Variants in LY86 observed in about 807,000 individuals in gnomAD.
LY86 encodes the protein lymphocyte antigen 86.
Under a neutral mutation model 17.3 loss-of-function variants are expected in LY86, and 20 were observed. The observed-to-expected ratio is 1.15, with a 90% CI of 0.81 to 1.68. The LOEUF is 1.68. Ranked by LOEUF, LY86 falls within the 40% of genes most tolerant of loss-of-function variation. The pLI, the probability that LY86 is intolerant of heterozygous loss-of-function variation, is 0.00. For missense variants in LY86, 200 were observed against 191.9 expected (o/e 1.04, Z -0.25); for synonymous variants, 74 against 70.6 (o/e 1.05, Z -0.24).
At chr6:6,622,254 T>C (rs1761698128) in intron 1 of LY86, among the ~76,000 whole-genome samples, 1 of 152,224 alleles carries the variant, frequency 6.6e-6, no homozygotes, top group Non-Finnish European at 1.5e-5. Flanking sequence ...CCTTAGTTGA[T>C]TCTTTCTATC....
At position 6,649,066 on chromosome 6, in the gene LY86, ACT is replaced by A. The variant is rs1407644964; in HGVS notation, c.353-557_353-556del. Among the ~76,000 whole-genome samples the A allele has an allele frequency of 2.0e-5, 3 of 152,208 alleles. No individual in the cohort carries two copies. In the East Asian group the frequency reaches 5.8e-4, roughly 29 times the overall value. On this transcript the variant is annotated intron_variant, in intron 3 of 4. Transcript: ENST00000230568. ...TTATAAAGAAAAAGAGGTTTAACAG[ACT>A]CACAGTTCCAGAGGGCTGGGGAGGC...
rs115611773 is a variant in LY86, at chr6:6,614,730, C to A, written c.137-10196C>A. Among the ~76,000 whole-genome samples, 619 of 147,210 alleles carry A rather than the reference C, an allele frequency of 4.2e-3. 2 individuals are homozygous for A. Among genetic ancestry groups the A allele is most frequent in the Non-Finnish European group, 5.9e-3 (397 of 66,746 alleles). On this transcript the variant is annotated intron_variant, in intron 1 of 4. Transcript: ENST00000230568. ...TCGTGCTTGGCAGAGAGTCGATGCTCAGGAAATGAAACAGAAAAAAAAAAT... is the reference window on the plus strand; with the variant it reads ...TCGTGCTTGGCAGAGAGTCGATGCTAAGGAAATGAAACAGAAAAAAAAAAT...
At chr6:6,601,036 G>A (rs1760891195) in intron 1 of LY86, among the ~76,000 whole-genome samples, 2 of 152,204 alleles carry the variant, frequency 1.3e-5, no homozygotes, top group Admixed American at 6.5e-5. Flanking sequence ...GGGGAAAACT[G>A]CCAGTGGCCC....
chr6:6,632,475 C>T (rs908413355), intron 3 of LY86, among the ~76,000 whole-genome samples: 1 of 152,190 alleles, frequency 6.6e-6, no homozygotes, highest in African/African-American at 2.4e-5. Context: ...CTCCCCTACC[C>T]GAGGGACCTT....
intron 3 of LY86, among the ~76,000 whole-genome samples, chr6:6,643,867 T>A (rs545833097): frequency 6.6e-6 from 1 of 152,218 alleles, no homozygotes; most frequent in African/African-American, 2.4e-5. Context: ...CATTTCTCAA[T>A]ATAACTGGGG....
At chr6:6,637,014 T>TTG (rs1554126154) in intron 3 of LY86, among the ~76,000 whole-genome samples, 2 of 148,396 alleles carry the variant, frequency 1.3e-5, no homozygotes, top group African/African-American at 4.9e-5. Flanking sequence ...GTTTTTTTTT[T>TTG]TTTTTTTTTT....
intron 3 of LY86, among the ~76,000 whole-genome samples, chr6:6,647,968 TACACAC>T (rs57233850): frequency 0.017 from 2,529 of 144,742 alleles, 27 homozygotes; most frequent in African/African-American, 0.026. Flanking sequence ...AATCATCACA[TACACAC>T]ACACACACAC....
chr6:6,606,061 C>CG (rs1314563826), intron 1 of LY86, among the ~76,000 whole-genome samples: 1 of 152,200 alleles, frequency 6.6e-6, no homozygotes, highest in African/African-American at 2.4e-5. Context: ...CTGCTGCTAG[C>CG]GCGGGCAGCC....
intron 1 of LY86, among the ~76,000 whole-genome samples, chr6:6,602,689 G>A (rs968718753): frequency 1.3e-5 from 2 of 151,758 alleles, no homozygotes; most frequent in Admixed American, 1.3e-4. Context: ...GGGAGCCCTT[G>A]TGAAACATGC....
At chr6:6,606,039 T>TC (rs1761131503) in intron 1 of LY86, among the ~76,000 whole-genome samples, 1 of 152,218 alleles carries the variant, frequency 6.6e-6, no homozygotes, top group African/African-American at 2.4e-5. Flanking sequence ...GTAATACTAC[T>TC]CAAGCAGGTT....
At chr6:6,597,191 C>T (rs1760741782) in intron 1 of LY86, among the ~76,000 whole-genome samples, 1 of 152,186 alleles carries the variant, frequency 6.6e-6, no homozygotes, top group Non-Finnish European at 1.5e-5. Flanking sequence ...AGTGTGAAGA[C>T]CAGAGCAGTT....
At chr6:6,624,075 A>C (rs1761735562) in intron 1 of LY86, among the ~76,000 whole-genome samples, 1 of 152,180 alleles carries the variant, frequency 6.6e-6, no homozygotes. Flanking sequence ...AATGGCCAAA[A>C]AGACTAAGAC....
chr6:6,607,865 A>G (rs1439764327), intron 1 of LY86, among the ~76,000 whole-genome samples: 2 of 152,156 alleles, frequency 1.3e-5, no homozygotes, highest in African/African-American at 2.4e-5. Context: ...GTGCCACTGC[A>G]CTCCAGCTGA....
intron 1 of LY86, among the ~76,000 whole-genome samples, chr6:6,614,199 G>A (rs925828349): frequency 3.9e-5 from 6 of 152,044 alleles, no homozygotes; most frequent in African/African-American, 1.2e-4. Context: ...AACACAATCC[G>A]TCCAAGTTCA....
At chr6:6,636,067 C>T (rs907784785) in intron 3 of LY86, among the ~76,000 whole-genome samples, 4 of 152,132 alleles carry the variant, frequency 2.6e-5, no homozygotes, top group African/African-American at 9.7e-5. Flanking sequence ...TGGACCTAGC[C>T]CCAGGGTTTC....
chr6:6,651,288 C>T (rs986522451), intron 4 of LY86, among the ~76,000 whole-genome samples: 2 of 152,212 alleles, frequency 1.3e-5, no homozygotes, highest in South Asian at 4.1e-4. Flanking sequence ...GTCTCTTTCT[C>T]CATAAAGAAT....
intron 1 of LY86, among the ~76,000 whole-genome samples, chr6:6,607,504 A>G (rs1156800953): frequency 6.6e-6 from 1 of 152,228 alleles, no homozygotes; most frequent in Non-Finnish European, 1.5e-5. Flanking sequence ...AAAACAAAAG[A>G]AAAAATTAAA....
intron 1 of LY86, among the ~76,000 whole-genome samples, chr6:6,602,577 T>C (rs1322334985): frequency 6.6e-6 from 1 of 152,174 alleles, no homozygotes; most frequent in South Asian, 2.1e-4. Context: ...TGAGAAATGA[T>C]CCTGGTAGGC....
chr6:6,604,406 A>G (rs72821148), intron 1 of LY86, among the ~76,000 whole-genome samples: 447 of 152,346 alleles, frequency 2.9e-3, no homozygotes, highest in Non-Finnish European at 5.5e-3. Context: ...TGAAAATAAA[A>G]TAAGACCCTT....
Sources: gnomAD v4.1 joint callset for allele counts (sites outside exome capture counted in the v4.1 genomes callset) on GRCh38, gnomAD v4.1.1 for gene constraint, MANE v1.5 for transcripts, NCBI Gene and HGNC (gene_info 2026-07-23, HGNC 2026-07-21) for gene names.